Variants in CREB1 observed in about 807,000 individuals in gnomAD.
CREB1 encodes the protein cAMP responsive element binding protein 1, also known as cyclic AMP-responsive element-binding protein 1.
Under a neutral mutation model 42.0 loss-of-function variants are expected in CREB1, and 2 were observed. The ratio of observed to expected loss-of-function variants is 0.05; its 90% CI spans 0.02 to 0.15. The LOEUF (loss-of-function observed/expected upper bound fraction) is 0.15, where lower values mean the gene tolerates loss of function less well. CREB1 is among the 10% of genes least tolerant of loss of function. The pLI is 1.00. For missense variants in CREB1, 199 were observed against 388.9 expected, an observed-to-expected ratio of 0.51 and a Z score of 4.11; for synonymous variants, 123 against 139.9, an observed-to-expected ratio of 0.88 and a Z score of 0.85.
At chr2:207,549,828 A>G (rs560892824) in intron 1 of CREB1, among the ~76,000 whole-genome samples, 3 of 152,186 alleles carry the variant, frequency 2.0e-5, no homozygotes, top group South Asian at 4.1e-4. Flanking sequence ...TAAAAATACA[A>G]AAAAATTGGC....
At chr2:207,537,358 A>G (rs987876526) in intron 1 of CREB1, among the ~76,000 whole-genome samples, 2 of 152,038 alleles carry the variant, frequency 1.3e-5, no homozygotes, top group Non-Finnish European at 2.9e-5. Context: ...TTGTCTTTAC[A>G]TATTTGGGGA....
At chr2:207,541,832 C>T (rs2081110384) in intron 1 of CREB1, among the ~76,000 whole-genome samples, 1 of 152,218 alleles carries the variant, frequency 6.6e-6, no homozygotes, top group Non-Finnish European at 1.5e-5. Context: ...TACACATCTC[C>T]TCTCAGCCAT....
At chr2:207,553,544 A>T (rs2081598876) in intron 1 of CREB1, among the ~76,000 whole-genome samples, 1 of 152,256 alleles carries the variant, frequency 6.6e-6, no homozygotes, top group African/African-American at 2.4e-5. Flanking sequence ...TATAATTTAG[A>T]AATACAGGGT....
intron 7 of CREB1, among the ~76,000 whole-genome samples, chr2:207,594,991 C>CTTTTTTT (rs751274446): frequency 1.7e-5 from 2 of 118,824 alleles, no homozygotes; most frequent in Non-Finnish European, 3.6e-5. Context: ...TGTTGAGCAT[C>CTTTTTTT]TTTTTTTTTT....
At position 207,582,918 on chromosome 2, in the gene CREB1, A is replaced by AT. The variant is rs35896795; in HGVS notation, c.839+5263_839+5264insT. 738 of 257,324 alleles carry AT rather than the reference A, an allele frequency of 2.9e-3. 3 individuals are homozygous for AT. The highest frequency in any genetic ancestry group is 5.4e-3 in the African/African-American group (234 of 42,944). The allele number at this position is 257,324 out of a possible 1,614,324, so 15.9% of individuals were successfully genotyped here. A position where few individuals can be genotyped will look rare whatever the true frequency, so the allele number is the denominator to read the frequency against. On this transcript the variant is annotated intron_variant, in intron 7 of 7. Transcript: ENST00000353267. The stretch of plus-strand genomic sequence containing the variant: ...AAAAACAAACAAACAAACAAAAAAA[A>AT]ATATATATATATACATACACACACA...
Position 207,605,045 on chromosome 2 carries a change from A to G in CREB1, c.*7987A>G, listed in dbSNP as rs1007041860. Among the ~76,000 whole-genome samples the G allele has an allele frequency of 1.3e-5, 2 of 152,132 alleles. No individual in the cohort carries two copies. Among genetic ancestry groups the G allele is most frequent in the Non-Finnish European group, 2.9e-5 (2 of 68,030 alleles). The stretch of plus-strand genomic sequence containing the variant: ...GTGCTGTTATGAATGTTCGTGTACA[A>G]GTATTTGAGTCCGTGTTTTCAATTA... On this transcript the variant is annotated 3_prime_UTR_variant, in exon 8 of 8. Transcript: ENST00000353267.
intron 1 of CREB1, among the ~76,000 whole-genome samples, chr2:207,553,455 C>G (rs968391928): frequency 1.3e-5 from 2 of 152,054 alleles, no homozygotes; most frequent in African/African-American, 4.8e-5. Context: ...AAATATAACT[C>G]AGTGAATTAA....
At chr2:207,569,405 TTTTG>T (rs1388534293) in intron 4 of CREB1, among the ~76,000 whole-genome samples, 1 of 152,112 alleles carries the variant, frequency 6.6e-6, no homozygotes, top group African/African-American at 2.4e-5. Context: ...GTGTGGTGTT[TTTTG>T]TTTTTGTTTT....
intron 7 of CREB1, among the ~76,000 whole-genome samples, chr2:207,594,126 A>T (rs1484625845): frequency 3.3e-5 from 5 of 152,248 alleles, no homozygotes; most frequent in Non-Finnish European, 7.3e-5. Flanking sequence ...CACAGAGCTA[A>T]AAAAGAATTT....
At position 207,601,814 on chromosome 2, in the gene CREB1, G is replaced by T. The variant is rs747510073; in HGVS notation, c.*4756G>T. 16 of 219,278 alleles carry T rather than the reference G, an allele frequency of 7.3e-5. No individual in the cohort carries two copies. Among genetic ancestry groups the T allele is most frequent in the Non-Finnish European group, 1.4e-4 (15 of 109,352 alleles). The allele number at this position is 219,278 out of a possible 1,614,324, so 13.6% of individuals were successfully genotyped here. On this transcript the variant is annotated 3_prime_UTR_variant, in exon 8 of 8. Coordinates refer to ENST00000353267, the MANE Select transcript of CREB1 (RefSeq NM_004379.5). ...TAAGGCTGTAGGTGAAGAGTTGTGAGATAAATAGTTCACTCAGTTGTACAA... is the reference window on the plus strand; with the variant it reads ...TAAGGCTGTAGGTGAAGAGTTGTGATATAAATAGTTCACTCAGTTGTACAA...
intron 7 of CREB1, among the ~76,000 whole-genome samples, chr2:207,590,083 GTTTTTTTTT>G (rs59126515): frequency 2.0e-4 from 15 of 76,154 alleles, no homozygotes; most frequent in African/African-American, 5.3e-4. Context: ...ATTTTGAGAA[GTTTTTTTTT>G]TTTTTTTTTT....
intron 7 of CREB1, among the ~76,000 whole-genome samples, chr2:207,584,049 A>G (rs2083390583): frequency 6.6e-6 from 1 of 152,236 alleles, no homozygotes; most frequent in African/African-American, 2.4e-5. Flanking sequence ...TTATAGATAT[A>G]CTGTGCTTTG....
At chr2:207,581,733 T>A (rs2082981997) in intron 7 of CREB1, 1 of 615,926 alleles carries the variant, frequency 1.6e-6, no homozygotes, top group Non-Finnish European at 2.9e-6. Context: ...AAAATAAAAG[T>A]ACATTGGTAT....
chr2:207,589,930 T>C (rs888778520), intron 7 of CREB1, among the ~76,000 whole-genome samples: 3 of 152,270 alleles, frequency 2.0e-5, no homozygotes, highest in Non-Finnish European at 4.4e-5. Context: ...AGTTTGTTAT[T>C]AGGGTAATGC....
At chr2:207,569,236 A>G (rs1434850684) in intron 4 of CREB1, among the ~76,000 whole-genome samples, 1 of 152,134 alleles carries the variant, frequency 6.6e-6, no homozygotes, top group African/African-American at 2.4e-5. Flanking sequence ...AACAGTGCCA[A>G]TGGGAATAAT....
intron 7 of CREB1, among the ~76,000 whole-genome samples, chr2:207,594,396 G>T (rs1253029126): frequency 4.6e-5 from 7 of 151,966 alleles, no homozygotes; most frequent in Non-Finnish European, 7.4e-5. Context: ...CGTTCCCCCA[G>T]CCCCTGGCAG....
chr2:207,603,045 CAG>C lies in CREB1; in HGVS notation c.*5988_*5989del, dbSNP rs2087362021. 3 of 213,490 alleles carry C rather than the reference CAG, an allele frequency of 1.4e-5. No individual in the cohort carries two copies. Among genetic ancestry groups the C allele is most frequent in the Admixed American group, 5.9e-5 (1 of 17,094 alleles). The allele number at this position is 213,490 out of a possible 1,614,324, so 13.2% of individuals were successfully genotyped here. A position where few individuals can be genotyped will look rare whatever the true frequency, so the allele number is the denominator to read the frequency against. On this transcript the variant is annotated 3_prime_UTR_variant, in exon 8 of 8. Transcript: ENST00000353267. ...TTCCCCCACAACTGTCAGCACAAAA[CAG>C]GGTATTGATTTTTAACTCTGATGTT...
At chr2:207,581,895 G>C (rs1199063349) in intron 7 of CREB1, 2 of 702,908 alleles carry the variant, frequency 2.8e-6, no homozygotes, top group Admixed American at 2.0e-5. Context: ...TTGAAGAGTA[G>C]TGATCTGTTT....
intron 1 of CREB1, among the ~76,000 whole-genome samples, chr2:207,531,441 G>T (rs1003119310): frequency 5.9e-5 from 9 of 152,204 alleles, no homozygotes; most frequent in African/African-American, 1.9e-4. Flanking sequence ...TTCTTCGCCT[G>T]TTGGGAAAAG....
Sources: gnomAD v4.1 joint callset for allele counts (sites outside exome capture counted in the v4.1 genomes callset) on GRCh38, gnomAD v4.1.1 for gene constraint, MANE v1.5 for transcripts, NCBI Gene and HGNC (gene_info 2026-07-23, HGNC 2026-07-21) for gene names.